Variants in COL25A1 observed in about 807,000 individuals in gnomAD.
COL25A1 encodes collagen type XXV alpha 1 chain.
Under a neutral mutation model 128.4 loss-of-function variants are expected in COL25A1, and 103 were observed. The observed-to-expected ratio is 0.80, with a 90% CI of 0.68 to 0.94. The LOEUF (loss-of-function observed/expected upper bound fraction) is 0.94. Ranked by LOEUF, COL25A1 falls within the 40% of genes least tolerant of loss-of-function variation. The pLI, the probability that COL25A1 is intolerant of heterozygous loss-of-function variation, is 0.00. For synonymous variants in COL25A1, 279 were observed against 277.2 expected, an observed-to-expected ratio of 1.01 and a Z score of -0.06; for missense variants, 745 against 840.0, an observed-to-expected ratio of 0.89 and a Z score of 1.40.
At chr4:109,043,806 A>G (rs1189921363) in intron 5 of COL25A1, among the ~76,000 whole-genome samples, 3 of 152,098 alleles carry the variant, frequency 2.0e-5, no homozygotes, top group African/African-American at 4.8e-5. Flanking sequence ...TCTGCTTCCT[A>G]TTAAAGTGCA....
At chr4:108,894,723 C>A (rs1406579282) in intron 16 of COL25A1, among the ~76,000 whole-genome samples, 1 of 152,128 alleles carries the variant, frequency 6.6e-6, no homozygotes, top group African/African-American at 2.4e-5. Flanking sequence ...CAAAAACAAG[C>A]AAGTTAGATG....
intron 3 of COL25A1, among the ~76,000 whole-genome samples, chr4:109,110,662 A>ACTTTTCCTGCTCCTC (rs1705949093): frequency 6.6e-6 from 1 of 151,954 alleles, no homozygotes; most frequent in Non-Finnish European, 1.5e-5. Context: ...TCCTGCTCCA[A>ACTTTTCCTGCTCCTC]CTTTTCCTGC....
At chr4:109,116,735 T>A (rs574944206) in intron 3 of COL25A1, among the ~76,000 whole-genome samples, 2 of 152,150 alleles carry the variant, frequency 1.3e-5, no homozygotes, top group East Asian at 3.9e-4. Flanking sequence ...GTAATTAATA[T>A]GCTAAGGGCT....
intron 31 of COL25A1, 121 bp downstream of exon 31, chr4:108,841,574 G>A: frequency 1.3e-6 from 1 of 793,110 alleles, no homozygotes. Context: ...ATGCTTAAAG[G>A]CTCAAAGATT....
At chr4:109,122,002 A>G (rs1389904714) in intron 3 of COL25A1, among the ~76,000 whole-genome samples, 1 of 152,126 alleles carries the variant, frequency 6.6e-6, no homozygotes, top group African/African-American at 2.4e-5. Flanking sequence ...ATGCATACTA[A>G]TAAGTGAATG....
intron 3 of COL25A1, among the ~76,000 whole-genome samples, chr4:109,210,283 A>AT (rs144842218): frequency 0.031 from 4,764 of 152,302 alleles, 257 homozygotes; most frequent in African/African-American, 0.11. Flanking sequence ...GTAATGTTTT[A>AT]TATTGAAATT....
chr4:108,862,051 G>A (rs1436423579), intron 22 of COL25A1, among the ~76,000 whole-genome samples: 1 of 152,114 alleles, frequency 6.6e-6, no homozygotes, highest in Non-Finnish European at 1.5e-5. Context: ...ATATGTTATT[G>A]CAGATAGTAT....
At chr4:108,836,123 G>T (rs1733785833) in intron 31 of COL25A1, among the ~76,000 whole-genome samples, 2 of 144,286 alleles carry the variant, frequency 1.4e-5, no homozygotes, top group Admixed American at 6.9e-5. Context: ...GCCCACCTCG[G>T]CCTCCCAAAG....
chr4:109,201,244 G>C (rs1484669192), intron 3 of COL25A1, among the ~76,000 whole-genome samples: 1 of 152,106 alleles, frequency 6.6e-6, no homozygotes, highest in Non-Finnish European at 1.5e-5. Flanking sequence ...AAAGAATAGA[G>C]TTTAATAGAA....
At chr4:109,164,011 C>G (rs888084639) in intron 3 of COL25A1, among the ~76,000 whole-genome samples, 1 of 151,890 alleles carries the variant, frequency 6.6e-6, no homozygotes, top group African/African-American at 2.4e-5. Flanking sequence ...TGGTATGGCT[C>G]AGTTTTAATT....
intron 34 of COL25A1, among the ~76,000 whole-genome samples, 189 bp from the exon 35 acceptor site, chr4:108,824,416 A>C (rs1017584426): frequency 6.6e-6 from 1 of 152,226 alleles, no homozygotes; most frequent in Non-Finnish European, 1.5e-5. Flanking sequence ...TTATCTATAC[A>C]CAACAGGTTT....
chr4:109,189,880 G>A (rs965479422), intron 3 of COL25A1, among the ~76,000 whole-genome samples: 5 of 151,990 alleles, frequency 3.3e-5, no homozygotes, highest in Admixed American at 6.6e-5. Flanking sequence ...TAAGTTTAAC[G>A]ACTTTTACTA....
intron 5 of COL25A1, among the ~76,000 whole-genome samples, chr4:109,044,991 G>A (rs374126699): frequency 3.9e-5 from 6 of 152,048 alleles, no homozygotes; most frequent in East Asian, 1.9e-4. Flanking sequence ...CTCCTCTGCC[G>A]ATAACAAGAC....
intron 37 of COL25A1, among the ~76,000 whole-genome samples, chr4:108,814,347 A>C (rs567243658): frequency 6.6e-6 from 1 of 152,330 alleles, no homozygotes; most frequent in South Asian, 2.1e-4. Context: ...GAAAGGGCTG[A>C]GGATTGACCT....
At chr4:108,995,362 G>T (rs1754665801) in intron 6 of COL25A1, among the ~76,000 whole-genome samples, 2 of 152,098 alleles carry the variant, frequency 1.3e-5, no homozygotes, top group Admixed American at 1.3e-4. Flanking sequence ...TGGAAGAAAG[G>T]ATATCAGTGA....
intron 11 of COL25A1, among the ~76,000 whole-genome samples, chr4:108,929,696 G>A (rs1485630379): frequency 2.6e-5 from 4 of 151,976 alleles, no homozygotes; most frequent in African/African-American, 4.8e-5. Flanking sequence ...GTATGGTGGT[G>A]CATGCCTTAG....
intron 5 of COL25A1, among the ~76,000 whole-genome samples, chr4:109,043,760 C>T (rs72670333): frequency 1.3e-5 from 2 of 152,044 alleles, no homozygotes; most frequent in African/African-American, 4.8e-5. Context: ...CATTTAAAAA[C>T]CCTAAAGTCA....
chr4:108,886,397 T>G (rs889921424), intron 18 of COL25A1, among the ~76,000 whole-genome samples: 1 of 151,772 alleles, frequency 6.6e-6, no homozygotes, highest in Non-Finnish European at 1.5e-5. Flanking sequence ...GCTTTGAATA[T>G]GGCCCAACAC....
intron 3 of COL25A1, among the ~76,000 whole-genome samples, chr4:109,051,665 A>G (rs80279208): frequency 0.014 from 2,105 of 151,532 alleles, 32 homozygotes; most frequent in Middle Eastern, 0.038. Context: ...AATCTGATAT[A>G]TAAAACTTCC....
Sources: gnomAD v4.1 joint callset for allele counts (sites outside exome capture counted in the v4.1 genomes callset) on GRCh38, gnomAD v4.1.1 for gene constraint, MANE v1.5 for transcripts, NCBI Gene and HGNC (gene_info 2026-07-23, HGNC 2026-07-21) for gene names.